CUBN: variants seen among roughly 807,000 people sequenced by gnomAD.
CUBN encodes 460 kDa receptor.
In CUBN, 282 loss-of-function variants were observed where a neutral mutation model predicts 405.3. The ratio of observed to expected loss-of-function variants is 0.70; its 90% CI spans 0.63 to 0.77. The LOEUF (loss-of-function observed/expected upper bound fraction) is 0.77. CUBN is among the 30% of genes least tolerant of loss of function. The pLI is 0.00. For missense variants in CUBN, 4,514 were observed against 4,475.2 expected (o/e 1.01, Z -0.25); for synonymous variants, 1,684 against 1,617.0 (o/e 1.04, Z -0.99).
chr10:16,888,380 T>C (rs1840882384), intron 56 of CUBN, 37 bp downstream of exon 56: 2 of 1,545,538 alleles, frequency 1.3e-6, no homozygotes, highest in South Asian at 2.3e-5. Context: ...TTTTTGTTTG[T>C]CAATTAAACG....
At position 16,945,419 on chromosome 10, in the gene CUBN, A is replaced by G. The variant is rs186706467; in HGVS notation, c.5342+1816T>C. ...AAGAATAAATATATGTCTGGTAAAC[A>G]TTATAAAGTATATAGATTTCTTCCC... On this transcript the variant is annotated intron_variant, in intron 36 of 66. Coordinates refer to ENST00000377833, the MANE Select transcript of CUBN (RefSeq NM_001081.4). 2.7e-3 allele frequency among the ~76,000 whole-genome samples: 413 copies of G among 152,288 alleles called. 1 individual carries two copies. Among genetic ancestry groups the G allele is most frequent in the African/African-American group, 9.8e-3 (406 of 41,564 alleles).
chr10:16,912,263 C>G lies in CUBN; in HGVS notation c.7533+1548G>C, dbSNP rs1841754622. Among the ~76,000 whole-genome samples the G allele has an allele frequency of 3.3e-5, 5 of 152,262 alleles. No homozygotes were observed. The South Asian group carries it at 1.0e-3, about 32-fold the overall frequency. On this transcript the variant is annotated intron_variant, in intron 48 of 66. Coordinates refer to ENST00000377833, the MANE Select transcript of CUBN (RefSeq NM_001081.4). ...CATATTTTTGAAATTCACTACCCAA[C>G]AGGAGACGATTAAACTGAAAACAAA... is the stretch of plus-strand genomic sequence containing the variant.
intron 17 of CUBN, among the ~76,000 whole-genome samples, chr10:17,078,636 T>C (rs532364359): frequency 5.1e-4 from 77 of 152,288 alleles, no homozygotes; most frequent in African/African-American, 1.4e-3. Flanking sequence ...ACCTAAGTGG[T>C]TTGATAAATA....
At chr10:17,123,272 T>G (rs1837088742) in intron 5 of CUBN, 2 of 456,758 alleles carry the variant, frequency 4.4e-6, no homozygotes, top group Admixed American at 7.7e-5. Flanking sequence ...TGAGAAAATT[T>G]GCATAGGTAT....
rs1267776086 is a variant in CUBN, at chr10:16,982,487, A to G, written c.4692T>C (p.Ile1564=). The G allele has an allele frequency of 1.9e-6, 3 of 1,612,994 alleles. No homozygotes were observed. Among genetic ancestry groups the G allele is most frequent in the Non-Finnish European group, 2.5e-6 (3 of 1,179,052 alleles). ...DFDLEPQDSC[I]MAYDGLSSTM... is the part of the protein sequence containing the mutation. ...GCTTGAAATTTATGTCACTTACCAT[A>G]ATACAAGAGTCTTGTGGTTCAAGAT... The change falls in exon 31 of 67, where the codon ATT becomes ATC. Residue 1564 remains isoleucine (I), a synonymous_variant. Transcript: ENST00000377833.
chr10:16,920,183 A>G, intron 43 of CUBN, 46 bp from the exon 44 acceptor site: 2 of 1,572,844 alleles, frequency 1.3e-6, no homozygotes, highest in African/African-American at 2.7e-5. Flanking sequence ...GGTGAAGGGG[A>G]TGCAGTCAAT....
At chr10:16,851,121 G>A (rs760972352) in intron 60 of CUBN, 114 bp downstream of exon 60, 254 of 812,824 alleles carry the variant, frequency 3.1e-4, no homozygotes, top group Non-Finnish European at 5.0e-4. Context: ...ATTTTAAAAA[G>A]CAGTAGCACC....
intron 53 of CUBN, among the ~76,000 whole-genome samples, 180 bp from the exon 54 acceptor site, chr10:16,899,363 T>C (rs1841289862): frequency 6.6e-6 from 1 of 152,200 alleles, no homozygotes; most frequent in Admixed American, 6.5e-5. Context: ...TGAGTTAAAT[T>C]GAGAGAAAAT....
chr10:16,937,013 G>T lies in CUBN; in HGVS notation c.5926+579C>A, dbSNP rs533930647. 4.6e-5 allele frequency among the ~76,000 whole-genome samples: 7 copies of T among 152,166 alleles called. No individual in the cohort carries two copies. The South Asian group carries it at 1.0e-3, about 23-fold the overall frequency. The stretch of plus-strand genomic sequence containing the variant: ...ATTACAGGCATCAGCCACCGCACCC[G>T]GTCTCATTTAAAAATTTTTCAAGAA... On this transcript the variant is annotated intron_variant, in intron 39 of 66. Transcript: ENST00000377833.
intron 8 of CUBN, 27 bp downstream of exon 8, chr10:17,114,000 G>C: frequency 6.2e-7 from 1 of 1,608,640 alleles, no homozygotes; most frequent in South Asian, 1.1e-5. Flanking sequence ...GGCATGCAGA[G>C]CCTGGCTTGT....
chr10:16,969,646 C>A (rs1366692611), intron 31 of CUBN, among the ~76,000 whole-genome samples: 1 of 152,206 alleles, frequency 6.6e-6, no homozygotes, highest in African/African-American at 2.4e-5. Context: ...AGCCACTGAG[C>A]CCAGTCTACT....
chr10:16,954,364 C>T (rs2131633404), intron 32 of CUBN, 25 bp downstream of exon 32: 1 of 1,613,892 alleles, frequency 6.2e-7, no homozygotes, highest in Non-Finnish European at 8.5e-7. Context: ...TCTCTTGTGC[C>T]TGGGAAGATC....
chr10:17,088,138 T>C, intron 15 of CUBN, 26 bp downstream of exon 15: 1 of 1,568,222 alleles, frequency 6.4e-7, no homozygotes, highest in Non-Finnish European at 8.8e-7. Flanking sequence ...TATTGTGATA[T>C]GTTCTATCTA....
At chr10:16,987,495 T>C (rs1394423456) in intron 29 of CUBN, among the ~76,000 whole-genome samples, 1 of 152,150 alleles carries the variant, frequency 6.6e-6, no homozygotes, top group Non-Finnish European at 1.5e-5. Context: ...TCCGGGGTTA[T>C]GAGTAACCAA....
In CUBN at chr10:17,068,394, T is replaced by C. The variant is rs570117580; in HGVS notation, c.2792-114A>G. On this transcript the variant is annotated intron_variant, in intron 20 of 66. Coordinates refer to ENST00000377833, the MANE Select transcript of CUBN (RefSeq NM_001081.4). ...GATTAAAAGGAAAAATGTTTCTTAGTTGCCACTTAAGATAACCTGATTTTT... is the reference window on the plus strand; with the variant it reads ...GATTAAAAGGAAAAATGTTTCTTAGCTGCCACTTAAGATAACCTGATTTTT... 1.9e-4 allele frequency: 221 copies of C among 1,158,866 alleles called. 1 individual carries two copies. The highest frequency in any genetic ancestry group is 1.1e-3 in the Middle Eastern group (4 of 3,750). 71.8% of individuals were successfully genotyped at this position (1,158,866 alleles called of 1,614,324 possible).
chr10:16,829,066 T>A, intron 65 of CUBN, 26 bp from the exon 66 acceptor site: 1 of 1,580,428 alleles, frequency 6.3e-7, no homozygotes, highest in Non-Finnish European at 8.7e-7. Context: ...GACAGGAAGT[T>A]TGATTCAACA....
chr10:16,902,259 G>GTA (rs535557386), intron 51 of CUBN, among the ~76,000 whole-genome samples: 1 of 129,228 alleles, frequency 7.7e-6, no homozygotes, highest in East Asian at 2.2e-4. Flanking sequence ...TGTATATATA[G>GTA]TATATATATA....
chr10:16,983,026 G>A (rs1833318816), intron 30 of CUBN, among the ~76,000 whole-genome samples: 1 of 152,022 alleles, frequency 6.6e-6, no homozygotes, highest in South Asian at 2.1e-4. Flanking sequence ...TGATAATCTA[G>A]TAGTGCATGC....
intron 14 of CUBN, among the ~76,000 whole-genome samples, chr10:17,089,454 T>C (rs1393896301): frequency 6.6e-6 from 1 of 151,862 alleles, no homozygotes; most frequent in South Asian, 2.1e-4. Context: ...ATGAATAGAG[T>C]GCACTGAAAA....
Sources: gnomAD v4.1 joint callset for allele counts (sites outside exome capture counted in the v4.1 genomes callset) on GRCh38, gnomAD v4.1.1 for gene constraint, MANE v1.5 for transcripts, NCBI Gene and HGNC (gene_info 2026-07-23, HGNC 2026-07-21) for gene names.